The following SFXN1 variants were observed in gnomAD, a reference collection of about 807,000 sequenced individuals.
SFXN1 encodes sideroflexin 1, also known as sideroflexin-1.
In SFXN1, 32 loss-of-function variants were observed where a neutral mutation model predicts 39.5. The observed-to-expected ratio is 0.81, with a 90% confidence interval of 0.61 to 1.09. SFXN1 has a LOEUF of 1.09. Ranked by LOEUF, SFXN1 falls within the 50% of genes least tolerant of loss-of-function variation. The pLI is 0.00. For synonymous variants in SFXN1, 136 were observed against 146.5 expected, an observed-to-expected ratio of 0.93 and a Z score of 0.52; for missense variants, 402 against 407.1, an observed-to-expected ratio of 0.99 and a Z score of 0.11.
Position 175,520,538 on chromosome 5 carries a change from C to A in SFXN1, c.775-1381C>A, listed in dbSNP as rs570965488. ...TAGGGGCCTTGGCTGTGCAAAGAGC[C>A]TTTCCGTCAAAACCCTCTGCATGAG... On this transcript the variant is annotated intron_variant, in intron 8 of 10. Transcript: ENST00000321442. Among the ~76,000 whole-genome samples, 72 of 152,240 alleles carry A rather than the reference C, an allele frequency of 4.7e-4. 1 individual carries two copies. In the South Asian group the frequency reaches 0.015, roughly 31 times the overall value.
intron 1 of SFXN1, among the ~76,000 whole-genome samples, chr5:175,479,805 T>G (rs1759164242): frequency 6.6e-6 from 1 of 152,158 alleles, no homozygotes; most frequent in South Asian, 2.1e-4. Flanking sequence ...CCCTGCACAT[T>G]TCTCACAGTC....
At position 175,512,085 on chromosome 5, in the gene SFXN1, A is replaced by C. The variant is rs1341647429; in HGVS notation, c.511-26A>C. 3.7e-6 allele frequency: 6 copies of C among 1,600,192 alleles called. No homozygotes were observed. In the Admixed American group the frequency reaches 6.8e-5, roughly 18 times the overall value. On this transcript the variant is annotated intron_variant, in intron 5 of 10. Coordinates refer to ENST00000321442, the MANE Select transcript of SFXN1 (RefSeq NM_022754.7). The stretch of plus-strand genomic sequence containing the variant: ...TACTAGTACAGGAAAAATAAGATAA[A>C]GCTCTTGAAATTTTCTCCTCTGCAG...
intron 2 of SFXN1, among the ~76,000 whole-genome samples, chr5:175,492,716 A>G (rs924674995): frequency 6.6e-6 from 1 of 152,164 alleles, no homozygotes; most frequent in African/African-American, 2.4e-5. Flanking sequence ...AGGAGCTCAG[A>G]TGGGAAGGGT....
intron 7 of SFXN1, among the ~76,000 whole-genome samples, chr5:175,515,807 A>C (rs1760700227): frequency 6.6e-6 from 1 of 152,192 alleles, no homozygotes; most frequent in Admixed American, 6.5e-5. Context: ...TGTGTACTTT[A>C]GTTCTATTAT....
chr5:175,500,713 G>C (rs931409815), intron 2 of SFXN1, among the ~76,000 whole-genome samples: 1 of 152,060 alleles, frequency 6.6e-6, no homozygotes, highest in East Asian at 1.9e-4. Flanking sequence ...CACACTACCT[G>C]GTCTTAAGAC....
At chr5:175,518,604 C>T (rs756215361) in intron 8 of SFXN1, among the ~76,000 whole-genome samples, 2 of 152,090 alleles carry the variant, frequency 1.3e-5, no homozygotes, top group Non-Finnish European at 2.9e-5. Context: ...TGAGCAGAGA[C>T]TTCTTTGAAG....
At chr5:175,495,244 A>G (rs1271009811) in intron 2 of SFXN1, among the ~76,000 whole-genome samples, 1 of 152,156 alleles carries the variant, frequency 6.6e-6, no homozygotes, top group Admixed American at 6.5e-5. Context: ...TGAGGTACCT[A>G]GAGTAGTCAA....
chr5:175,479,314 C>G (rs1047971142), intron 1 of SFXN1, among the ~76,000 whole-genome samples: 2 of 152,178 alleles, frequency 1.3e-5, no homozygotes, highest in African/African-American at 2.4e-5. Flanking sequence ...CTTTTACACT[C>G]TTCCGGCCCT....
chr5:175,518,827 C>T (rs142755211), intron 8 of SFXN1, among the ~76,000 whole-genome samples: 24 of 152,216 alleles, frequency 1.6e-4, no homozygotes, highest in Admixed American at 1.2e-3. Flanking sequence ...CAATAGAACA[C>T]GGGCTAGGCA....
chr5:175,492,604 GTC>G (rs1459830566), intron 2 of SFXN1: 1 of 188,220 alleles, frequency 5.3e-6, no homozygotes, highest in Non-Finnish European at 1.1e-5. Flanking sequence ...GCATTTTTCT[GTC>G]TCTGAACAGA....
intron 1 of SFXN1, among the ~76,000 whole-genome samples, chr5:175,488,776 G>T (rs1759547033): frequency 6.6e-6 from 1 of 152,178 alleles, no homozygotes. Context: ...GATGCCTGTA[G>T]TCCTAGCTAA....
At chr5:175,503,295 C>T (rs1248252669) in intron 2 of SFXN1, among the ~76,000 whole-genome samples, 2 of 152,080 alleles carry the variant, frequency 1.3e-5, no homozygotes, top group Admixed American at 6.6e-5. Context: ...AAATGCTTCC[C>T]GATTCATTGC....
At chr5:175,501,643 CA>C (rs1189508115) in intron 2 of SFXN1, among the ~76,000 whole-genome samples, 1 of 152,054 alleles carries the variant, frequency 6.6e-6, no homozygotes, top group Non-Finnish European at 1.5e-5. Flanking sequence ...TTACCCAACC[CA>C]ATTTTTTTAA....
chr5:175,502,256 C>T (rs576560578), intron 2 of SFXN1, among the ~76,000 whole-genome samples: 2 of 152,036 alleles, frequency 1.3e-5, no homozygotes, highest in African/African-American at 2.4e-5. Flanking sequence ...ACTGCATGAC[C>T]CCTAAACTGT....
At chr5:175,497,936 GAAAAAAA>G in intron 2 of SFXN1, among the ~76,000 whole-genome samples, 1 of 95,852 alleles carries the variant, frequency 1.0e-5, no homozygotes, top group East Asian at 3.1e-4. Context: ...GTCTCAAAAA[GAAAAAAA>G]AAAAAAAAAA....
intron 10 of SFXN1, chr5:175,525,821 C>T (rs1413806733): frequency 6.6e-6 from 1 of 152,050 alleles, no homozygotes; most frequent in Non-Finnish European, 1.5e-5. Flanking sequence ...ACCAGGTTGC[C>T]CAGGCTGGTC....
intron 1 of SFXN1, among the ~76,000 whole-genome samples, chr5:175,488,488 G>A (rs1759533840): frequency 1.3e-5 from 2 of 152,040 alleles, no homozygotes; most frequent in Non-Finnish European, 2.9e-5. Flanking sequence ...TTTTAGTAGA[G>A]ACAGGGTTTC....
chr5:175,524,795 GAGAA>G lies in SFXN1; in HGVS notation c.873-1839_873-1836del, dbSNP rs886187820. ...CTGGTGAGATTAATCAAAACAAAAA[GAGAA>G]AGAGAAAAGTACAAATAATATGAAT... On this transcript the variant is annotated intron_variant, in intron 10 of 10. Coordinates refer to ENST00000321442, the MANE Select transcript of SFXN1 (RefSeq NM_022754.7). Among the ~76,000 whole-genome samples, 5 of 152,056 alleles carry G rather than the reference GAGAA, an allele frequency of 3.3e-5. No individual in the cohort carries two copies. The South Asian group carries it at 6.2e-4, about 19-fold the overall frequency.
rs892299176 is a variant in SFXN1, at chr5:175,505,408, G to GTGCC, written c.165-3621_165-3618dup. ...AAAAAAAAGCTGAATGTGGTGGCGGGTGCCTGTAATCCCAGTTACCCAGGA... is the reference window on the plus strand; with the variant it reads ...AAAAAAAAGCTGAATGTGGTGGCGGGTGCCTGCCTGTAATCCCAGTTACCCAGGA... On this transcript the variant is annotated intron_variant, in intron 2 of 10. Coordinates refer to ENST00000321442, the MANE Select transcript of SFXN1 (RefSeq NM_022754.7). Among the ~76,000 whole-genome samples, 36 of 151,722 alleles carry GTGCC rather than the reference G, an allele frequency of 2.4e-4. 1 individual carries two copies. Among genetic ancestry groups the GTGCC allele is most frequent in the African/African-American group, 8.2e-4 (34 of 41,454 alleles).
Sources: allele counts gnomAD v4.1 joint callset (sites outside exome capture counted in the v4.1 genomes callset), GRCh38; gene constraint gnomAD v4.1.1; transcripts MANE v1.5; gene names NCBI Gene and HGNC (gene_info 2026-07-23, HGNC 2026-07-21).